Variants in ASXL3 observed in about 807,000 individuals in gnomAD.
ASXL3 encodes putative Polycomb group protein ASXL3.
Under a neutral mutation model 170.6 loss-of-function variants are expected in ASXL3, and 34 were observed. The ratio of observed to expected loss-of-function variants is 0.20; its 90% CI spans 0.15 to 0.27. The LOEUF (loss-of-function observed/expected upper bound fraction) is 0.27. Among genes scored for constraint, ASXL3 ranks in the 10% least tolerant of loss-of-function variants. The probability of loss-of-function intolerance (pLI) is 1.00; values close to 1 mark genes in which losing one functional copy is unlikely to be tolerated. For synonymous variants in ASXL3, 1,002 were observed against 989.1 expected (o/e 1.01, Z -0.24); for missense variants, 2,592 against 2,695.3 (o/e 0.96, Z 0.85).
rs1482821990 is a variant in ASXL3, at chr18:33,631,568, A to G, written c.138-13326A>G. 2.0e-5 allele frequency among the ~76,000 whole-genome samples: 3 copies of G among 152,126 alleles called. No homozygotes were observed. In the South Asian group the frequency reaches 6.2e-4, roughly 32 times the overall value. On this transcript the variant is annotated intron_variant, in intron 2 of 11. Coordinates refer to ENST00000269197, the MANE Select transcript of ASXL3 (RefSeq NM_030632.3). ...CCTAATATAAAGTATTCTTGATTAT[A>G]TAAGAAAAGAATATAATATGCATTA...
rs552486193 is a variant in ASXL3 at position 33,672,869 on chromosome 18, T to C, written c.715+1003T>C. 4.5e-4 allele frequency among the ~76,000 whole-genome samples: 69 copies of C among 152,270 alleles called. 2 individuals are homozygous for C. Among genetic ancestry groups the C allele is most frequent in the Non-Finnish European group, 9.4e-4 (64 of 68,012 alleles). On this transcript the variant is annotated intron_variant, in intron 7 of 11. Coordinates refer to ENST00000269197, the MANE Select transcript of ASXL3 (RefSeq NM_030632.3). ...GGGACATACTTCTAATAAAAAGACTTTAAATAGGATTTATTTATATTTAAA... is the reference window on the plus strand; with the variant it reads ...GGGACATACTTCTAATAAAAAGACTCTAAATAGGATTTATTTATATTTAAA...
At chr18:33,581,343 A>G (rs1482063097) in intron 1 of ASXL3, among the ~76,000 whole-genome samples, 1 of 152,178 alleles carries the variant, frequency 6.6e-6, no homozygotes, top group Non-Finnish European at 1.5e-5. Flanking sequence ...TTCAGGATGG[A>G]TAGAAAATAT....
At chr18:33,721,773 C>T (rs974977982) in intron 8 of ASXL3, among the ~76,000 whole-genome samples, 2 of 151,900 alleles carry the variant, frequency 1.3e-5, no homozygotes, top group Non-Finnish European at 2.9e-5. Flanking sequence ...ATTTAGTTTG[C>T]TTTATTGCAC....
chr18:33,707,026 GT>G (rs978479364), intron 8 of ASXL3, among the ~76,000 whole-genome samples: 5 of 151,518 alleles, frequency 3.3e-5, no homozygotes, highest in African/African-American at 1.2e-4. Context: ...CCCCCACAGT[GT>G]AATGTTACAT....
At chr18:33,611,942 A>G (rs539282554) in intron 2 of ASXL3, among the ~76,000 whole-genome samples, 15 of 152,116 alleles carry the variant, frequency 9.9e-5, no homozygotes, top group Admixed American at 2.0e-4. Flanking sequence ...GTGCTTCCAA[A>G]GAAATGTGTG....
intron 1 of ASXL3, among the ~76,000 whole-genome samples, chr18:33,603,012 G>T (rs2065201017): frequency 1.3e-5 from 2 of 152,026 alleles, no homozygotes; most frequent in South Asian, 4.1e-4. Flanking sequence ...GTTAGAAAAA[G>T]GGAGAAAGCC....
In ASXL3 at chr18:33,746,378, T is replaced by C; in HGVS notation, c.6530T>C (p.Ile2177Thr). 2.5e-6 allele frequency: 4 copies of C among 1,613,832 alleles called. No individual in the cohort carries two copies. Among genetic ancestry groups the C allele is most frequent in the Non-Finnish European group, 3.4e-6 (4 of 1,179,742 alleles). Reference sequence around the variant, plus strand: ...TCTGCAATTGAAAAGTCCATTGGGATTTTGGGAAGTGGCTCCAATCCTGCC... The same window carrying C: ...TCTGCAATTGAAAAGTCCATTGGGACTTTGGGAAGTGGCTCCAATCCTGCC... ...AASAIEKSIG[I>T]LGSGSNPATG... The change falls in exon 12 of 12, where the codon ATT becomes ACT. Residue 2177 changes from isoleucine to threonine, a missense_variant. Ile to Thr is a moderately conservative substitution (Grantham distance 89). This residue lies in a region of ASXL3 where 2,246 missense variants were observed against 2,219.6 expected (regional missense o/e 1.01). Transcript: ENST00000269197.
rs567464120 is a variant in ASXL3, at chr18:33,663,910, G to A, written c.477+2173G>A. ...ATAGCTGAATGGCTATGACCATGTA[G>A]AATTTTTGTAAGTGTATTAAATACA... On this transcript the variant is annotated intron_variant, in intron 5 of 11. Coordinates refer to ENST00000269197, the MANE Select transcript of ASXL3 (RefSeq NM_030632.3). Among the ~76,000 whole-genome samples the A allele has an allele frequency of 2.0e-5, 3 of 151,658 alleles. No homozygotes were observed. In the South Asian group the frequency reaches 6.2e-4, roughly 32 times the overall value.
intron 7 of ASXL3, among the ~76,000 whole-genome samples, chr18:33,676,512 A>G (rs914319114): frequency 2.0e-5 from 3 of 152,182 alleles, no homozygotes; most frequent in Admixed American, 6.5e-5. Context: ...TAATGAAACA[A>G]AACAAAACTT....
At chr18:33,581,472 A>AGTGTGTGTGTGTGTGTGT (rs150752638) in intron 1 of ASXL3, among the ~76,000 whole-genome samples, 2,889 of 145,234 alleles carry the variant, frequency 0.02, 28 homozygotes, top group Middle Eastern at 0.024. Context: ...TGCTGGAGTG[A>AGTGTGTGTGTGTGTGTGT]GTGTGTGTGT....
intron 8 of ASXL3, among the ~76,000 whole-genome samples, chr18:33,717,421 A>C (rs1406166866): frequency 6.6e-6 from 1 of 152,124 alleles, no homozygotes; most frequent in African/African-American, 2.4e-5. Flanking sequence ...TACTCCTCAT[A>C]TGTTAGGTAG....
intron 2 of ASXL3, among the ~76,000 whole-genome samples, chr18:33,628,575 A>C (rs2065633848): frequency 6.6e-6 from 1 of 152,174 alleles, no homozygotes; most frequent in Non-Finnish European, 1.5e-5. Context: ...TCTATGCTGA[A>C]AATGAAGTAA....
intron 10 of ASXL3, 141 bp from the exon 11 acceptor site, chr18:33,738,346 T>C (rs2067583853): frequency 3.4e-6 from 3 of 886,278 alleles, no homozygotes; most frequent in Admixed American, 3.0e-5. Context: ...TGTAAACTGG[T>C]TTACATAAAT....
In ASXL3 at chr18:33,676,222, C is replaced by CAAAAAAAAAAAAAAAAAAAAAAA. The variant is rs568221465; in HGVS notation, c.715+4359_715+4381dup. ...CTGGGTGACGAGCGAGACTCCGTCT[C>CAAAAAAAAAAAAAAAAAAAAAAA]AAAAAAAAAAAAAAAAAAAAAAAAA... On this transcript the variant is annotated intron_variant, in intron 7 of 11. Transcript: ENST00000269197. Among the ~76,000 whole-genome samples, 84 of 41,728 alleles carry CAAAAAAAAAAAAAAAAAAAAAAA rather than the reference C, an allele frequency of 2.0e-3. 10 individuals carry two copies. Among genetic ancestry groups the CAAAAAAAAAAAAAAAAAAAAAAA allele is most frequent in the East Asian group, 6.5e-3 (5 of 768 alleles). The allele number at this position is 41,728 out of a possible 152,430, so 27.4% of individuals were successfully genotyped here.
At chr18:33,697,575 C>A (rs1186368899) in intron 8 of ASXL3, among the ~76,000 whole-genome samples, 1 of 152,086 alleles carries the variant, frequency 6.6e-6, no homozygotes, top group South Asian at 2.1e-4. Context: ...ACGACTAAGG[C>A]GTATGATTTT....
At chr18:33,696,261 A>T (rs1449157851) in intron 8 of ASXL3, among the ~76,000 whole-genome samples, 2 of 152,148 alleles carry the variant, frequency 1.3e-5, no homozygotes, top group African/African-American at 4.8e-5. Context: ...CAGTTGTAAA[A>T]TTTGTTAAAG....
chr18:33,586,360 A>G lies in ASXL3; in HGVS notation c.54+7675A>G, dbSNP rs2065034441. Among the ~76,000 whole-genome samples the G allele has an allele frequency of 2.6e-5, 4 of 152,160 alleles. No individual in the cohort carries two copies. In the South Asian group the frequency reaches 6.2e-4, roughly 24 times the overall value. On this transcript the variant is annotated intron_variant, in intron 1 of 11. Coordinates refer to ENST00000269197, the MANE Select transcript of ASXL3 (RefSeq NM_030632.3). ...CACCACCCCAAATGTGCACACAACA[A>G]ATAAACCCTTATTTTAACAAGTATA...
intron 7 of ASXL3, among the ~76,000 whole-genome samples, chr18:33,672,961 G>C (rs2066368799): frequency 6.6e-6 from 1 of 151,716 alleles, no homozygotes; most frequent in African/African-American, 2.4e-5. Context: ...ATACTTCTTT[G>C]TTTTGCATTA....
intron 4 of ASXL3, among the ~76,000 whole-genome samples, chr18:33,651,956 A>T (rs556331858): frequency 6.6e-6 from 1 of 152,246 alleles, no homozygotes; most frequent in East Asian, 1.9e-4. Flanking sequence ...CAAGACACAG[A>T]ACTATGGTTA....
Sources: gnomAD v4.1 joint callset for allele counts (sites outside exome capture counted in the v4.1 genomes callset) on GRCh38, gnomAD v4.1.1 for gene constraint, gnomAD v4.1.1 regional missense constraint, MANE v1.5 for transcripts, NCBI Gene and HGNC (gene_info 2026-07-23, HGNC 2026-07-21) for gene names.